The following DOK6 variants were observed in gnomAD, a reference collection of about 807,000 sequenced individuals.
The protein encoded by DOK6 is docking protein 6.
In DOK6, 22 loss-of-function variants were observed where a neutral mutation model predicts 44.0. The ratio of observed to expected loss-of-function variants is 0.50; its 90% CI spans 0.36 to 0.71. DOK6 has a LOEUF of 0.71. Among genes scored for constraint, DOK6 ranks in the 30% least tolerant of loss-of-function variants. The probability of loss-of-function intolerance (pLI) is 0.00; values close to 1 mark genes in which losing one functional copy is unlikely to be tolerated. For missense variants in DOK6, 340 were observed against 416.4 expected (o/e 0.82, Z 1.60); for synonymous variants, 166 against 145.5 (o/e 1.14, Z -1.01).
chr18:69,733,507 C>T (rs190895303), intron 5 of DOK6, among the ~76,000 whole-genome samples: 2 of 152,294 alleles, frequency 1.3e-5, no homozygotes, highest in East Asian at 3.9e-4. Flanking sequence ...ATATGCATCA[C>T]CTCACATAGT....
At chr18:69,495,318 G>T (rs1980851783) in intron 1 of DOK6, among the ~76,000 whole-genome samples, 1 of 152,250 alleles carries the variant, frequency 6.6e-6, no homozygotes, top group Non-Finnish European at 1.5e-5. Context: ...AGCCCTGTAT[G>T]TGTTACAGCT....
chr18:69,571,703 C>A (rs962650459), intron 2 of DOK6, among the ~76,000 whole-genome samples: 12 of 151,844 alleles, frequency 7.9e-5, no homozygotes, highest in African/African-American at 2.7e-4. Context: ...TTTTATGGAA[C>A]TAATTACAGA....
chr18:69,765,284 T>A (rs1421050512), intron 7 of DOK6, among the ~76,000 whole-genome samples: 1 of 152,206 alleles, frequency 6.6e-6, no homozygotes, highest in Non-Finnish European at 1.5e-5. Flanking sequence ...TGAAGCCTGA[T>A]AGCCATTTGG....
At chr18:69,572,250 A>G (rs1172587223) in intron 2 of DOK6, among the ~76,000 whole-genome samples, 1 of 152,126 alleles carries the variant, frequency 6.6e-6, no homozygotes, top group African/African-American at 2.4e-5. Context: ...AAAAACGGAC[A>G]GGACTTACTT....
intron 7 of DOK6, among the ~76,000 whole-genome samples, chr18:69,810,142 C>A (rs757920467): frequency 6.6e-6 from 1 of 151,950 alleles, no homozygotes; most frequent in Non-Finnish European, 1.5e-5. Context: ...ACACATAGAC[C>A]AATGGAATAG....
chr18:69,607,469 T>A (rs1468911206), intron 3 of DOK6, among the ~76,000 whole-genome samples: 4 of 151,768 alleles, frequency 2.6e-5, no homozygotes, highest in Non-Finnish European at 5.9e-5. Context: ...CAAGTCTTAT[T>A]TATAAACAAA....
chr18:69,753,366 A>C (rs555434617), intron 6 of DOK6, among the ~76,000 whole-genome samples: 34 of 152,290 alleles, frequency 2.2e-4, no homozygotes, highest in Admixed American at 7.8e-4. Context: ...TTTGTGTTAT[A>C]TTCAAACAAA....
chr18:69,423,738 G>T (rs560429042), intron 1 of DOK6, among the ~76,000 whole-genome samples: 2 of 152,214 alleles, frequency 1.3e-5, no homozygotes, highest in South Asian at 4.2e-4. Context: ...AACTACTATT[G>T]CCAGATTTTT....
At chr18:69,579,735 TG>T (rs1983320815) in intron 2 of DOK6, among the ~76,000 whole-genome samples, 1 of 152,098 alleles carries the variant, frequency 6.6e-6, no homozygotes, top group Admixed American at 6.5e-5. Flanking sequence ...AGCTAATTTT[TG>T]TATATTTTTG....
chr18:69,663,733 CTGAAGGCAACCAG>C (rs1568326488), intron 3 of DOK6, among the ~76,000 whole-genome samples: 1 of 152,136 alleles, frequency 6.6e-6, no homozygotes, highest in African/African-American at 2.4e-5. Flanking sequence ...TTGGAACCAA[CTGAAGGCAACCAG>C]TGAAGGCAAC....
rs1240127268 is a variant in DOK6 at position 69,796,717 on chromosome 18, G to T, written c.856+38844G>T. ...CTCGTGTGTACAAATACTAGACAAA[G>T]CACACATGTCCAGAAAAGAGGCACA... On this transcript the variant is annotated intron_variant, in intron 7 of 7. Coordinates refer to ENST00000382713, the MANE Select transcript of DOK6 (RefSeq NM_152721.6). Among the ~76,000 whole-genome samples, 9 of 152,318 alleles carry T rather than the reference G, an allele frequency of 5.9e-5. No individual in the cohort carries two copies. In the East Asian group the frequency reaches 1.7e-3, roughly 29 times the overall value.
At chr18:69,669,020 T>G (rs984950229) in intron 3 of DOK6, among the ~76,000 whole-genome samples, 2 of 152,214 alleles carry the variant, frequency 1.3e-5, no homozygotes, top group African/African-American at 2.4e-5. Context: ...TGTGGCAACA[T>G]GTTACTTACA....
chr18:69,729,171 A>G (rs1260366336), intron 5 of DOK6, among the ~76,000 whole-genome samples: 1 of 152,250 alleles, frequency 6.6e-6, no homozygotes, highest in Admixed American at 6.5e-5. Flanking sequence ...ATATACATGT[A>G]CACATTCATA....
chr18:69,503,584 A>G (rs1981103900), intron 1 of DOK6, among the ~76,000 whole-genome samples: 1 of 152,134 alleles, frequency 6.6e-6, no homozygotes, highest in Non-Finnish European at 1.5e-5. Flanking sequence ...AGACTTTAAA[A>G]CAGTAAAATT....
At chr18:69,642,112 T>A (rs988571841) in intron 3 of DOK6, among the ~76,000 whole-genome samples, 2 of 152,214 alleles carry the variant, frequency 1.3e-5, no homozygotes, top group African/African-American at 2.4e-5. Context: ...CCTCTCCATG[T>A]CTCTGTCTAC....
intron 1 of DOK6, among the ~76,000 whole-genome samples, chr18:69,451,931 A>G (rs1363307126): frequency 1.7e-5 from 2 of 118,652 alleles, no homozygotes; most frequent in Non-Finnish European, 3.5e-5. Context: ...AGGGAAATTT[A>G]TAGCACTAAA....
chr18:69,466,698 A>T (rs1247421929), intron 1 of DOK6, among the ~76,000 whole-genome samples: 11 of 152,040 alleles, frequency 7.2e-5, no homozygotes. Context: ...TCTCTAACTT[A>T]TTCATTGATC....
In DOK6 at chr18:69,554,342, T is replaced by C. The variant is rs182159560; in HGVS notation, c.67-10145T>C. The stretch of plus-strand genomic sequence containing the variant: ...ATTACGATGGAAGCCACTTTCTCAC[T>C]CTTTATACACTTGTCACCTAAGCAT... On this transcript the variant is annotated intron_variant, in intron 1 of 7. Coordinates refer to ENST00000382713, the MANE Select transcript of DOK6 (RefSeq NM_152721.6). Among the ~76,000 whole-genome samples the C allele has an allele frequency of 7.9e-5, 12 of 152,320 alleles. No individual in the cohort carries two copies. In the East Asian group the frequency reaches 2.1e-3, roughly 27 times the overall value.
intron 7 of DOK6, among the ~76,000 whole-genome samples, chr18:69,824,287 C>A (rs1464888135): frequency 1.4e-5 from 2 of 142,590 alleles, no homozygotes; most frequent in Non-Finnish European, 3.0e-5. Context: ...TGGATGAGAA[C>A]ATGCGGTGTT....
Sources: gnomAD v4.1 joint callset for allele counts (sites outside exome capture counted in the v4.1 genomes callset) on GRCh38, gnomAD v4.1.1 for gene constraint, MANE v1.5 for transcripts, NCBI Gene and HGNC (gene_info 2026-07-23, HGNC 2026-07-21) for gene names.